Variants in PCDHGB3 observed in about 807,000 individuals in gnomAD.
The protein encoded by PCDHGB3 is protocadherin gamma subfamily B, 3.
In PCDHGB3, 40 loss-of-function variants were observed where a neutral mutation model predicts 59.2. The observed-to-expected ratio is 0.68, with a 90% CI of 0.52 to 0.88. PCDHGB3 has a LOEUF of 0.88. Among genes scored for constraint, PCDHGB3 ranks in the 40% least tolerant of loss-of-function variants. PCDHGB3 has a pLI of 0.00. For missense variants in PCDHGB3, 1,309 were observed against 1,187.9 expected (o/e 1.10, Z -1.50); for synonymous variants, 581 against 503.6 (o/e 1.15, Z -2.06).
intron 1 of PCDHGB3, chr5:141,385,966 G>T (rs968695297): frequency 6.6e-6 from 1 of 152,176 alleles, no homozygotes. Context: ...AAGGCCATCG[G>T]ACAAAACCAA....
intron 1 of PCDHGB3, chr5:141,393,581 C>T (rs1356594219): frequency 5.0e-6 from 8 of 1,613,790 alleles, no homozygotes; most frequent in Non-Finnish European, 6.8e-6. Flanking sequence ...AGAACATGCC[C>T]CCAGGCACGC....
chr5:141,431,527 C>T lies in PCDHGB3; in HGVS notation c.2415+58718C>T. The T allele has an allele frequency of 1.2e-6, 2 of 1,614,086 alleles. No homozygotes were observed. The highest frequency in any genetic ancestry group is 2.2e-5 in the East Asian group (1 of 44,888). ...GCGCGAGCGTTCCGGAGAATCTGGC[C>T]TTGGGCACGCAGCTGCTTGTAGTCA... On this transcript the variant is annotated intron_variant, in intron 1 of 3. Coordinates refer to ENST00000576222, the MANE Select transcript of PCDHGB3 (RefSeq NM_018924.5). This position sits in a 1 kb window ranked among gnomAD's most constrained non-coding sequence, Gnocchi z 4.8.
At chr5:141,393,138 C>G (rs2092688516) in intron 1 of PCDHGB3, 1 of 1,613,196 alleles carries the variant, frequency 6.2e-7, no homozygotes, top group Non-Finnish European at 8.5e-7. Flanking sequence ...TATTAACACC[C>G]TGGTTGAGGA....
At chr5:141,402,067 A>G (rs2094221639) in intron 1 of PCDHGB3, among the ~76,000 whole-genome samples, 1 of 152,226 alleles carries the variant, frequency 6.6e-6, no homozygotes, top group Non-Finnish European at 1.5e-5. Flanking sequence ...TTAAAAAACT[A>G]AGCATTTTTG....
chr5:141,496,276 G>C (rs1189269883), intron 2 of PCDHGB3, among the ~76,000 whole-genome samples: 1 of 152,204 alleles, frequency 6.6e-6, no homozygotes, highest in Admixed American at 6.5e-5. Flanking sequence ...AAGACCTTCA[G>C]TTGGTCTGAG....
intron 1 of PCDHGB3, chr5:141,415,157 C>G: frequency 6.2e-7 from 1 of 1,613,864 alleles, no homozygotes. Context: ...CTCTCCGCCA[C>G]TGTCACGCTC....
Position 141,505,475 on chromosome 5 carries a change from G to A in PCDHGB3, c.2557G>A (p.Ala853Thr), listed in dbSNP as rs769108315. The A allele has an allele frequency of 2.2e-5, 35 of 1,614,098 alleles. No homozygotes were observed. Among genetic ancestry groups the A allele is most frequent in the South Asian group, 5.5e-5 (5 of 91,090 alleles). ...GCTGCAAGCCATGATCTTGGCGTCC[G>A]CCAGTGGTAAGTGGTGTCAGTGTGT... ...EMLQAMILAS[A>T]SEAADGSSTL... The change falls in exon 3 of 4, where the codon GCC becomes ACC. Residue 853 changes from alanine to threonine, a missense_variant. Physicochemically the swap from Ala to Thr is moderately conservative, Grantham distance 58. Transcript: ENST00000576222.
intron 1 of PCDHGB3, among the ~76,000 whole-genome samples, chr5:141,472,508 C>T (rs140607073): frequency 0.01 from 1,548 of 151,922 alleles, 35 homozygotes; most frequent in African/African-American, 0.035. Flanking sequence ...CCACTGCACT[C>T]CAGCCTGGGT....
At chr5:141,448,021 G>A (rs1376525971) in intron 1 of PCDHGB3, among the ~76,000 whole-genome samples, 2 of 152,050 alleles carry the variant, frequency 1.3e-5, no homozygotes, top group African/African-American at 4.8e-5. Context: ...AGGAGGTGGA[G>A]GTTGCAGTGA....
chr5:141,446,797 A>G lies in PCDHGB3; in HGVS notation c.2416-48010A>G, dbSNP rs559881142. ...CCATTCTTTTACTCTGAGTTCTTCC[A>G]TTGTGATCATCTAGTCAGATGGGTA... is the stretch of plus-strand genomic sequence containing the variant. On this transcript the variant is annotated intron_variant, in intron 1 of 3. Coordinates refer to ENST00000576222, the MANE Select transcript of PCDHGB3 (RefSeq NM_018924.5). Among the ~76,000 whole-genome samples, 48 of 152,224 alleles carry G rather than the reference A, an allele frequency of 3.2e-4. No individual in the cohort carries two copies. In the South Asian group the frequency reaches 7.3e-3, roughly 23 times the overall value.
In PCDHGB3 at chr5:141,500,938, G is replaced by A. The variant is rs1317178701; in HGVS notation, c.2475-4455G>A. On this transcript the variant is annotated intron_variant, in intron 2 of 3. Transcript: ENST00000576222. Reference sequence around the variant, plus strand: ...GGCTGGGGTGCAGTGGCGCCATCTCGGCTCACTGCAAGCTCCACCTCCTGG... The same window carrying A: ...GGCTGGGGTGCAGTGGCGCCATCTCAGCTCACTGCAAGCTCCACCTCCTGG... 2.6e-5 allele frequency among the ~76,000 whole-genome samples: 4 copies of A among 151,060 alleles called. No homozygotes were observed. The East Asian group carries it at 5.8e-4, about 22-fold the overall frequency.
intron 1 of PCDHGB3, among the ~76,000 whole-genome samples, chr5:141,482,053 C>G (rs2099551080): frequency 6.6e-6 from 1 of 150,558 alleles, no homozygotes; most frequent in Non-Finnish European, 1.5e-5. Flanking sequence ...CTGTTGCATT[C>G]CAGCCTGGGC....
chr5:141,397,372 G>A (rs1014875277), intron 1 of PCDHGB3, among the ~76,000 whole-genome samples: 3 of 152,012 alleles, frequency 2.0e-5, no homozygotes, highest in Admixed American at 6.6e-5. Context: ...AGATGTTTGG[G>A]GATTGGTATA....
intron 1 of PCDHGB3, chr5:141,413,905 C>G: frequency 6.2e-7 from 1 of 1,613,338 alleles, no homozygotes; most frequent in Non-Finnish European, 8.5e-7. Context: ...TGACAACGCG[C>G]CGGTCTTCAC....
chr5:141,415,920 G>T, intron 1 of PCDHGB3: 1 of 692,798 alleles, frequency 1.4e-6, no homozygotes, highest in Non-Finnish European at 2.0e-6. Context: ...AGAAGTGCCT[G>T]TCAATTTATA....
chr5:141,450,838 T>A (rs2098698352), intron 1 of PCDHGB3, among the ~76,000 whole-genome samples: 1 of 149,278 alleles, frequency 6.7e-6, no homozygotes, highest in African/African-American at 2.5e-5. Flanking sequence ...TATTTTTTTT[T>A]TTTTGAGATG....
chr5:141,450,829 A>ATTT (rs373424450), intron 1 of PCDHGB3, among the ~76,000 whole-genome samples: 12,063 of 134,876 alleles, frequency 0.089, 619 homozygotes, highest in African/African-American at 0.14. Flanking sequence ...TATTATTATT[A>ATTT]TTTTTTTTTT....
In PCDHGB3 at chr5:141,440,050, G is replaced by C. The variant is rs747798063; in HGVS notation, c.2416-54757G>C. On this transcript the variant is annotated intron_variant, in intron 1 of 3. Coordinates refer to ENST00000576222, the MANE Select transcript of PCDHGB3 (RefSeq NM_018924.5). ...GTGTCGAGGACATGCCCACTTGAAA[G>C]CTTCGGGTTAATGCTGAGGAATAAT... 6 of 152,826 alleles carry C rather than the reference G, an allele frequency of 3.9e-5. No homozygotes were observed. The East Asian group carries it at 1.2e-3, about 29-fold the overall frequency. 9.5% of individuals were successfully genotyped at this position (152,826 alleles called of 1,614,324 possible). A position where few individuals can be genotyped will look rare whatever the true frequency, so the allele number is the denominator to read the frequency against.
At position 141,487,510 on chromosome 5, in the gene PCDHGB3, C is replaced by A; in HGVS notation, c.2416-7297C>A. On this transcript the variant is annotated intron_variant, in intron 1 of 3. Transcript: ENST00000576222. The surrounding 1 kb of genome is among the most constrained non-coding windows in gnomAD (Gnocchi z 5.0). ...GCTGTACACCCTTGGCTTCTGCACC[C>A]ACTCGGAGTGATAGCTTCATGATGG... is the stretch of plus-strand genomic sequence containing the variant. The A allele has an allele frequency of 6.2e-7, 1 of 1,614,210 alleles. No homozygotes were observed. Among genetic ancestry groups the A allele is most frequent in the Non-Finnish European group, 8.5e-7 (1 of 1,180,042 alleles).
Sources: allele counts gnomAD v4.1 joint callset (sites outside exome capture counted in the v4.1 genomes callset), GRCh38; gene constraint gnomAD v4.1.1; non-coding constraint Gnocchi (gnomAD v3.1); transcripts MANE v1.5; gene names NCBI Gene and HGNC (gene_info 2026-07-23, HGNC 2026-07-21).